Variants in TG observed in about 807,000 individuals in gnomAD.
The protein encoded by TG is thyroglobulin, also known as thyroid hormones.
TG carries 270 observed loss-of-function variants against 324.7 expected under a neutral mutation model. The observed-to-expected ratio is 0.83, with a 90% CI of 0.75 to 0.92. TG has a LOEUF of 0.92. TG is among the 40% of genes least tolerant of loss of function. The pLI is 0.00. For missense variants in TG, 3,591 were observed against 3,456.4 expected (o/e 1.04, Z -0.98); for synonymous variants, 1,401 against 1,327.0 (o/e 1.06, Z -1.21).
At chr8:132,988,791 C>T (rs371192398) in intron 35 of TG, 65 of 985,294 alleles carry the variant, frequency 6.6e-5, no homozygotes, top group Non-Finnish European at 7.6e-5. Context: ...GTGTGATCGT[C>T]GCACCCCTTC....
At chr8:132,962,304 G>A (rs546745096) in intron 28 of TG, among the ~76,000 whole-genome samples, 33 of 152,058 alleles carry the variant, frequency 2.2e-4, no homozygotes, top group Non-Finnish European at 4.4e-4. Flanking sequence ...TCATTTTCCA[G>A]GCAAGGAAAA....
chr8:133,022,607 T>C (rs369705246), intron 40 of TG, among the ~76,000 whole-genome samples: 29 of 152,118 alleles, frequency 1.9e-4, no homozygotes, highest in African/African-American at 6.8e-4. Flanking sequence ...ATAAGGAGAT[T>C]CTCACCTCCT....
intron 45 of TG, among the ~76,000 whole-genome samples, chr8:133,126,035 CAGTT>C (rs1212493072): frequency 7.2e-5 from 11 of 152,154 alleles, no homozygotes; most frequent in African/African-American, 2.4e-4. Flanking sequence ...ATGCGATGGT[CAGTT>C]AGTCAGAAAA....
intron 18 of TG, among the ~76,000 whole-genome samples, chr8:132,910,322 T>C (rs1305984580): frequency 6.6e-6 from 1 of 152,196 alleles, no homozygotes; most frequent in Non-Finnish European, 1.5e-5. Flanking sequence ...CAGGGCCACG[T>C]CAACTCTGAA....
intron 41 of TG, among the ~76,000 whole-genome samples, chr8:133,072,487 T>C (rs995390476): frequency 1.3e-5 from 2 of 152,226 alleles, no homozygotes; most frequent in Admixed American, 1.3e-4. Context: ...GATGGACAGA[T>C]AAATGTATGA....
chr8:133,104,752 T>C (rs1588111624), intron 43 of TG, among the ~76,000 whole-genome samples: 1 of 152,124 alleles, frequency 6.6e-6, no homozygotes, highest in South Asian at 2.1e-4. Flanking sequence ...GAAAGGCTGA[T>C]TGGAATAGGC....
intron 28 of TG, among the ~76,000 whole-genome samples, chr8:132,961,281 C>T (rs1332824270): frequency 6.6e-6 from 1 of 152,072 alleles, no homozygotes; most frequent in African/African-American, 2.4e-5. Flanking sequence ...TGTGGAAACC[C>T]AAGAAGGGAT....
chr8:132,929,732 A>C (rs1822416843), intron 23 of TG, among the ~76,000 whole-genome samples: 2 of 152,184 alleles, frequency 1.3e-5, no homozygotes. Context: ...TTTTGTTTTA[A>C]ATGATTTTAT....
At chr8:132,954,552 G>C (rs1826574563) in intron 27 of TG, among the ~76,000 whole-genome samples, 1 of 152,194 alleles carries the variant, frequency 6.6e-6, no homozygotes, top group Non-Finnish European at 1.5e-5. Context: ...CAAGGAACAG[G>C]GTGTGTACCC....
At chr8:132,926,756 T>C (rs1242383486) in intron 22 of TG, among the ~76,000 whole-genome samples, 4 of 152,236 alleles carry the variant, frequency 2.6e-5, no homozygotes, top group Non-Finnish European at 5.9e-5. Flanking sequence ...CATGCTATAT[T>C]ATTTAGTCCT....
intron 5 of TG, 87 bp downstream of exon 5, chr8:132,873,308 A>G: frequency 6.6e-7 from 1 of 1,523,852 alleles, no homozygotes; most frequent in East Asian, 2.3e-5. Flanking sequence ...CATGTGTCAT[A>G]TGTGCAGCAT....
chr8:133,001,672 C>A, intron 35 of TG: 1 of 860,916 alleles, frequency 1.2e-6, no homozygotes, highest in Non-Finnish European at 1.4e-6. Flanking sequence ...CGTCCGATGA[C>A]GACAGGGAGA....
At chr8:133,063,487 A>G (rs1175890807) in intron 41 of TG, 1 of 150,864 alleles carries the variant, frequency 6.6e-6, no homozygotes, top group Non-Finnish European at 1.5e-5. Flanking sequence ...TTTTGGAGGG[A>G]TTCCTGGAAT....
intron 34 of TG, among the ~76,000 whole-genome samples, chr8:132,975,701 A>T (rs1830094912): frequency 6.6e-6 from 1 of 152,062 alleles, no homozygotes; most frequent in Non-Finnish European, 1.5e-5. Flanking sequence ...ATCTCACTTA[A>T]TTTTCACACC....
chr8:133,118,215 C>T (rs900492594), intron 45 of TG, among the ~76,000 whole-genome samples: 2 of 152,054 alleles, frequency 1.3e-5, no homozygotes, highest in African/African-American at 4.8e-5. Context: ...TGCCATTCCC[C>T]AATAATGCTC....
At chr8:133,063,251 G>T (rs556509181) in intron 41 of TG, among the ~76,000 whole-genome samples, 2 of 136,184 alleles carry the variant, frequency 1.5e-5, no homozygotes, top group African/African-American at 5.6e-5. Context: ...CACCCCTCCA[G>T]ATGCCAGGGT....
chr8:133,088,256 GCTCCTCCTCCTCCTC>G (rs5895174), intron 41 of TG, among the ~76,000 whole-genome samples: 1 of 151,464 alleles, frequency 6.6e-6, no homozygotes, highest in East Asian at 1.9e-4. Context: ...CTCCCCTCCT[GCTCCTCCTCCTCCTC>G]CTCCTCCTCT....
chr8:133,124,724 T>C lies in TG; in HGVS notation c.7863-7088T>C, dbSNP rs535712861. ...AGAGAGAAAAACAAAACATTCAAAA[T>C]GACTAAAGAGGCAATAATGTTCCTC... On this transcript the variant is annotated intron_variant, in intron 45 of 47. Coordinates refer to ENST00000220616, the MANE Select transcript of TG (RefSeq NM_003235.5). Among the ~76,000 whole-genome samples the C allele has an allele frequency of 1.5e-4, 23 of 152,268 alleles. No individual in the cohort carries two copies. In the East Asian group the frequency reaches 4.4e-3, roughly 29 times the overall value.
intron 39 of TG, 66 bp downstream of exon 39, chr8:133,019,761 C>A: frequency 7.2e-7 from 1 of 1,385,296 alleles, no homozygotes; most frequent in Non-Finnish European, 1.0e-6. Flanking sequence ...ACTGTCCCCA[C>A]TGTGGCCAGC....
Sources: allele counts gnomAD v4.1 joint callset (sites outside exome capture counted in the v4.1 genomes callset), GRCh38; gene constraint gnomAD v4.1.1; transcripts MANE v1.5; gene names NCBI Gene and HGNC (gene_info 2026-07-23, HGNC 2026-07-21).